CHGB: variants seen among roughly 807,000 people sequenced by gnomAD.
CHGB encodes the protein secretogranin-1.
Under a neutral mutation model 69.9 loss-of-function variants are expected in CHGB, and 46 were observed. The observed-to-expected ratio is 0.66, with a 90% CI of 0.52 to 0.84. The LOEUF is 0.84. Among genes scored for constraint, CHGB ranks in the 40% least tolerant of loss-of-function variants. The pLI is 0.00. For synonymous variants in CHGB, 312 were observed against 298.2 expected (o/e 1.05, Z -0.48); for missense variants, 796 against 822.2 (o/e 0.97, Z 0.39).
At chr20:5,920,172 A>T (rs968142102) in intron 3 of CHGB, among the ~76,000 whole-genome samples, 6 of 152,236 alleles carry the variant, frequency 3.9e-5, no homozygotes, top group African/African-American at 1.4e-4. Flanking sequence ...AGCCTCAGGC[A>T]CATGCTGCTC....
intron 3 of CHGB, among the ~76,000 whole-genome samples, chr20:5,919,788 G>T (rs1430594781): frequency 6.6e-6 from 1 of 152,128 alleles, no homozygotes; most frequent in Non-Finnish European, 1.5e-5. Context: ...CAACTGGTTG[G>T]ATGAATGCCT....
chr20:5,917,848 C>T (rs541847723), intron 3 of CHGB: 60 of 148,046 alleles, frequency 4.1e-4, no homozygotes, highest in African/African-American at 1.5e-3. Flanking sequence ...CTTTAAAAAT[C>T]TTTCAGGTGG....
intron 3 of CHGB, 131 bp from the exon 4 acceptor site, chr20:5,922,204 A>G: frequency 1.6e-6 from 2 of 1,247,088 alleles, no homozygotes; most frequent in South Asian, 2.2e-5. Context: ...ATCTGAGTAT[A>G]TTCTTCATTA....
intron 4 of CHGB, 72 bp from the exon 5 acceptor site, chr20:5,924,900 T>G (rs1332444623): frequency 1.1e-6 from 1 of 881,932 alleles, no homozygotes. Context: ...CCCTTTGCAC[T>G]CATGCTCCAT....
chr20:5,924,904 G>T (rs236155), intron 4 of CHGB, 68 bp from the exon 5 acceptor site: 1 of 916,188 alleles, frequency 1.1e-6, no homozygotes, highest in Non-Finnish European at 1.8e-6. Context: ...TTGCACTCAT[G>T]CTCCATCAAA....
chr20:5,913,891 C>G (rs2088461134), intron 1 of CHGB, among the ~76,000 whole-genome samples: 1 of 151,968 alleles, frequency 6.6e-6, no homozygotes, highest in Admixed American at 6.6e-5. Context: ...CTCGGACTCC[C>G]AAAGTGTTGA....
rs2088526475 is a variant in CHGB, at chr20:5,923,097, T to C, written c.953T>C (p.Met318Thr). The change falls in exon 4 of 5, where the codon ATG becomes ACG. Residue 318 changes from methionine to threonine, a missense_variant. Physicochemically the swap from Met to Thr is moderately conservative, Grantham distance 81. This residue lies in a region of CHGB where 518 missense variants were observed against 506.3 expected (regional missense o/e 1.02). Transcript: ENST00000378961. ...QEESEESNVS[M>T]ASLGEKRDHH... is the part of the protein sequence containing the mutation. ...GAATCTGAGGAGTCAAACGTCAGCA[T>C]GGCCAGTTTAGGGGAAAAGAGGGAC... The C allele has an allele frequency of 1.9e-6, 3 of 1,613,854 alleles. No individual in the cohort carries two copies. The highest frequency in any genetic ancestry group is 1.3e-5 in the African/African-American group (1 of 74,842).
chr20:5,922,192 G>T, intron 3 of CHGB, 143 bp from the exon 4 acceptor site: 1 of 1,149,846 alleles, frequency 8.7e-7, no homozygotes, highest in Non-Finnish European at 1.1e-6. Flanking sequence ...CTTTCAAAAG[G>T]AATCTGAGTA....
intron 2 of CHGB, 22 bp downstream of exon 2, chr20:5,916,394 A>T (rs76791154): frequency 6.2e-7 from 1 of 1,600,004 alleles, no homozygotes. Flanking sequence ...TGTCAATCTT[A>T]GAATCTAGAC....
rs778818539 is a variant in CHGB, at chr20:5,923,532, C to T, written c.1388C>T (p.Ala463Val). ...AAGGCAAGGAGGCATCCACAAGGTGCGTGGAAAGAGCTGGACAGAAATTAT... is the reference window on the plus strand; with the variant it reads ...AAGGCAAGGAGGCATCCACAAGGTGTGTGGAAAGAGCTGGACAGAAATTAT... The part of the protein sequence containing the change: ...MDKARRHPQG[A>V]WKELDRNYLN... The change falls in exon 4 of 5, where the codon GCG becomes GTG. Residue 463 changes from alanine to valine, a missense_variant. This residue lies in a region of CHGB where 274 missense variants were observed against 298.9 expected (regional missense o/e 0.92). Coordinates refer to ENST00000378961, the MANE Select transcript of CHGB (RefSeq NM_001819.3). 28 of 1,613,958 alleles carry T rather than the reference C, an allele frequency of 1.7e-5. No homozygotes were observed. Among genetic ancestry groups the T allele is most frequent in the African/African-American group, 2.7e-5 (2 of 74,876 alleles).
chr20:5,916,489 A>T, intron 2 of CHGB, 117 bp downstream of exon 2: 1 of 921,488 alleles, frequency 1.1e-6, no homozygotes, highest in Non-Finnish European at 1.7e-6. Context: ...CCAGGTTTTC[A>T]TTGCTGACAG....
At position 5,918,148 on chromosome 20, in the gene CHGB, T is replaced by TAA. The variant is rs10647882; in HGVS notation, c.190+1251_190+1252dup. ...TGGGCAACAAGAGTAAGACTCCATC[T>TAA]AAAAAAAAAAAAAAAAAAAAAAACT... On this transcript the variant is annotated intron_variant, in intron 3 of 4. Transcript: ENST00000378961. Among the ~76,000 whole-genome samples, 39 of 86,076 alleles carry TAA rather than the reference T, an allele frequency of 4.5e-4. 1 individual carries two copies. The highest frequency in any genetic ancestry group is 1.7e-3 in the East Asian group (5 of 2,944). 56.5% of individuals were successfully genotyped at this position (86,076 alleles called of 152,430 possible).
At position 5,915,340 on chromosome 20, in the gene CHGB, A is replaced by G. The variant is rs189673056; in HGVS notation, c.50-986A>G. On this transcript the variant is annotated intron_variant, in intron 1 of 4. Transcript: ENST00000378961. Reference sequence around the variant, plus strand: ...ATCCCATGAAATTTTATTGAAATAAATTAAAATTTTTCTTTTAAAATATTC... The same window carrying G: ...ATCCCATGAAATTTTATTGAAATAAGTTAAAATTTTTCTTTTAAAATATTC... 3.8e-4 allele frequency among the ~76,000 whole-genome samples: 58 copies of G among 152,372 alleles called. 1 individual carries two copies. Among genetic ancestry groups the G allele is most frequent in the Admixed American group, 3.1e-3 (48 of 15,306 alleles).
chr20:5,911,684 T>A lies in CHGB; in HGVS notation c.49+2T>A, dbSNP rs1013872063. On this transcript the variant is annotated splice_donor_variant, in intron 1 of 4. Coordinates refer to ENST00000378961, the MANE Select transcript of CHGB (RefSeq NM_001819.3). LOFTEE classifies it high-confidence loss of function. ...TCCTGGGAGCCGTGGGGCTGGCGGG[T>A]GAGTGGGCGCGGCGGGCCGGTCAGC... The A allele has an allele frequency of 1.4e-6, 2 of 1,464,000 alleles. No individual in the cohort carries two copies. The highest frequency in any genetic ancestry group is 1.8e-6 in the Non-Finnish European group (2 of 1,114,032). The allele number at this position is 1,464,000 out of a possible 1,614,324, so 90.7% of individuals were successfully genotyped here. A position where few individuals can be genotyped will look rare whatever the true frequency, so the allele number is the denominator to read the frequency against.
chr20:5,920,209 A>T (rs1356819687), intron 3 of CHGB, among the ~76,000 whole-genome samples: 9 of 152,188 alleles, frequency 5.9e-5, no homozygotes, highest in Admixed American at 5.9e-4. Context: ...ATTGGGAAAA[A>T]ATAAAAATAC....
chr20:5,917,990 A>C (rs2088487101), intron 3 of CHGB: 4 of 150,770 alleles, frequency 2.7e-5, no homozygotes, highest in Non-Finnish European at 5.9e-5. Flanking sequence ...CAAAAAAAAA[A>C]AAAAAAAATT....
Position 5,922,900 on chromosome 20 carries a change from G to A in CHGB, c.756G>A (p.Glu252=), listed in dbSNP as rs756241169. ...GGAGCCAGGAGAATCACCCCCAGGA[G>A]TCTAAAGGCCAACCCCGAAGCCAGG... is the stretch of plus-strand genomic sequence containing the variant. ...ETGSQENHPQ[E]SKGQPRSQEE... Residue 252 remains glutamate, a synonymous_variant, in exon 4 of 5, where the codon GAG becomes GAA. Transcript: ENST00000378961. 1 of 1,613,776 alleles carries A rather than the reference G, an allele frequency of 6.2e-7. No individual in the cohort carries two copies.
Position 5,922,655 on chromosome 20 carries a change from G to C in CHGB, c.511G>C (p.Glu171Gln), listed in dbSNP as rs774904076. 24 of 1,613,980 alleles carry C rather than the reference G, an allele frequency of 1.5e-5. No individual in the cohort carries two copies. Among genetic ancestry groups the C allele is most frequent in the Non-Finnish European group, 1.9e-5 (23 of 1,179,910 alleles). ...QREDEEEEEG[E>Q]NYQKGERGED... ...AGAGGATGAGGAGGAGGAGGAGGGA[G>C]AGAACTATCAAAAAGGGGAGCGAGG... Residue 171 changes from glutamate (E) to glutamine (Q), a missense_variant, in exon 4 of 5, where the codon GAG (glutamate) becomes CAG (glutamine). Glu to Gln is a conservative substitution (Grantham distance 29). Transcript: ENST00000378961.
In CHGB at chr20:5,924,856, T is replaced by A. The variant is rs929571411; in HGVS notation, c.1957-116T>A. 8 of 604,242 alleles carry A rather than the reference T, an allele frequency of 1.3e-5. No individual in the cohort carries two copies. The African/African-American group carries it at 1.5e-4, about 11-fold the overall frequency. The allele number at this position is 604,242 out of a possible 1,614,324, so 37.4% of individuals were successfully genotyped here. A position where few individuals can be genotyped will look rare whatever the true frequency, so the allele number is the denominator to read the frequency against. ...ACACTTTGAGAGTTACTGAGGTAGGTTGACTAATGCAGCTTCTAACATGCC... is the reference window on the plus strand; with the variant it reads ...ACACTTTGAGAGTTACTGAGGTAGGATGACTAATGCAGCTTCTAACATGCC... On this transcript the variant is annotated intron_variant, in intron 4 of 4. Transcript: ENST00000378961.
Sources: allele counts gnomAD v4.1 joint callset (sites outside exome capture counted in the v4.1 genomes callset), GRCh38; gene constraint gnomAD v4.1.1; regional missense constraint gnomAD v4.1.1; transcripts MANE v1.5; gene names NCBI Gene and HGNC (gene_info 2026-07-23, HGNC 2026-07-21).